Variants in TTC23 observed in about 807,000 individuals in gnomAD.
The protein encoded by TTC23 is tetratricopeptide repeat domain 23.
A neutral mutation model predicts 55.1 loss-of-function variants in TTC23; 58 were observed. That is an observed-to-expected ratio of 1.05 (90% CI 0.85 to 1.31). TTC23 has a LOEUF of 1.31. Ranked by LOEUF, TTC23 falls within the 50% of genes most tolerant of loss-of-function variation. The pLI is 0.00. For missense variants in TTC23, 516 were observed against 534.4 expected (o/e 0.97, Z 0.34); for synonymous variants, 203 against 199.9 (o/e 1.02, Z -0.13).
intron 5 of TTC23, among the ~76,000 whole-genome samples, chr15:99,225,838 G>A (rs1228914273): frequency 1.3e-5 from 2 of 152,144 alleles, no homozygotes; most frequent in African/African-American, 2.4e-5. Flanking sequence ...TGGCAATTCT[G>A]CAGTAAAGAA....
intron 9 of TTC23, among the ~76,000 whole-genome samples, chr15:99,181,694 C>T (rs2074131647): frequency 6.6e-6 from 1 of 152,190 alleles, no homozygotes; most frequent in South Asian, 2.1e-4. Flanking sequence ...TCTCCCATCT[C>T]TGCCCAGCAG....
chr15:99,158,768 C>G (rs1005418310), intron 11 of TTC23: 8 of 152,298 alleles, frequency 5.3e-5, no homozygotes, highest in African/African-American at 1.7e-4. Context: ...TGTGGGAACA[C>G]CTGGGATGGC....
At chr15:99,221,621 C>G in intron 6 of TTC23, 120 bp downstream of exon 6, 1 of 1,286,740 alleles carries the variant, frequency 7.8e-7, no homozygotes, top group Non-Finnish European at 1.1e-6. Flanking sequence ...GAAATGGCTT[C>G]TTGGTATTTA....
intron 9 of TTC23, among the ~76,000 whole-genome samples, chr15:99,190,960 T>G (rs1331207094): frequency 6.6e-6 from 1 of 152,130 alleles, no homozygotes; most frequent in Non-Finnish European, 1.5e-5. Flanking sequence ...TTTTGTATTT[T>G]TTTTTGTAGA....
chr15:99,211,777 A>G (rs1208809176), intron 8 of TTC23, among the ~76,000 whole-genome samples: 1 of 152,038 alleles, frequency 6.6e-6, no homozygotes, highest in Non-Finnish European at 1.5e-5. Context: ...GCTCCCAGGA[A>G]GCACAAGATC....
chr15:99,232,767 T>A (rs950068655), intron 4 of TTC23, among the ~76,000 whole-genome samples: 2 of 152,166 alleles, frequency 1.3e-5, no homozygotes, highest in Non-Finnish European at 2.9e-5. Context: ...TACCATATGA[T>A]CCATGAATCC....
At chr15:99,239,538 C>T (rs889055126) in intron 3 of TTC23, among the ~76,000 whole-genome samples, 7 of 152,056 alleles carry the variant, frequency 4.6e-5, no homozygotes, top group African/African-American at 1.4e-4. Context: ...TAAATAAAAA[C>T]GTTAAAGGTC....
intron 9 of TTC23, among the ~76,000 whole-genome samples, chr15:99,181,979 C>T (rs1303121950): frequency 6.6e-6 from 1 of 152,072 alleles, no homozygotes; most frequent in African/African-American, 2.4e-5. Flanking sequence ...GCATTAGCAA[C>T]AAAATAGATA....
intron 8 of TTC23, among the ~76,000 whole-genome samples, chr15:99,201,464 A>AAGACTACAAAT (rs1190385872): frequency 6.6e-6 from 1 of 152,168 alleles, no homozygotes; most frequent in Non-Finnish European, 1.5e-5. Flanking sequence ...AGAAAGCTAA[A>AAGACTACAAAT]AGACTACAAA....
At position 99,139,316 on chromosome 15, in the gene TTC23, C is replaced by T. The variant is rs192173095; in HGVS notation, c.1226+1G>A. ...AGAAAGTGTGAGGGACGCCAACTCA[C>T]GTGGACAGCATGCCCATGGCCTGCT... On this transcript the variant is annotated splice_donor_variant, in intron 13 of 13. Coordinates refer to ENST00000394132, the MANE Select transcript of TTC23 (RefSeq NM_001288615.3). LOFTEE classifies it high-confidence loss of function. 162 of 1,612,202 alleles carry T rather than the reference C, an allele frequency of 1.0e-4. 1 individual carries two copies. The highest frequency in any genetic ancestry group is 7.5e-4 in the Admixed American group (45 of 60,014).
At chr15:99,221,502 T>A (rs2077922703) in intron 6 of TTC23, among the ~76,000 whole-genome samples, 1 of 152,098 alleles carries the variant, frequency 6.6e-6, no homozygotes, top group Admixed American at 6.5e-5. Flanking sequence ...ACTTTTGAAA[T>A]CATAAAAACA....
intron 1 of TTC23, among the ~76,000 whole-genome samples, chr15:99,247,717 A>AT (rs765016400): frequency 8.7e-6 from 1 of 114,444 alleles, no homozygotes; most frequent in Non-Finnish European, 1.9e-5. Context: ...TTGCCTGCAA[A>AT]TGGGCACAAA....
Position 99,150,612 on chromosome 15 carries a change from T to C in TTC23, c.1143+5536A>G, listed in dbSNP as rs1046180978. ...TATATAGTTCTACTAACAAGAAAAA[T>C]AGATTCATTTTGGGGGGAGGATAAC... On this transcript the variant is annotated intron_variant, in intron 12 of 13. Transcript: ENST00000394132. 3.3e-5 allele frequency among the ~76,000 whole-genome samples: 5 copies of C among 152,182 alleles called. No individual in the cohort carries two copies. In the South Asian group the frequency reaches 1.0e-3, roughly 32 times the overall value.
chr15:99,231,170 AT>A (rs1191925249), intron 4 of TTC23, among the ~76,000 whole-genome samples: 1 of 152,256 alleles, frequency 6.6e-6, no homozygotes, highest in Non-Finnish European at 1.5e-5. Context: ...AGCATATACA[AT>A]TATGTACAGT....
At chr15:99,203,284 A>G (rs1485491569) in intron 8 of TTC23, among the ~76,000 whole-genome samples, 1 of 152,226 alleles carries the variant, frequency 6.6e-6, no homozygotes, top group African/African-American at 2.4e-5. Flanking sequence ...GGTACCATGT[A>G]CACCAAAGCT....
intron 12 of TTC23, among the ~76,000 whole-genome samples, chr15:99,150,764 G>A (rs973601024): frequency 6.6e-6 from 1 of 152,174 alleles, no homozygotes; most frequent in Admixed American, 6.5e-5. Context: ...TTGGCCTGTG[G>A]GCCATAGTTT....
intron 8 of TTC23, among the ~76,000 whole-genome samples, chr15:99,216,614 C>T (rs1375444346): frequency 2.0e-5 from 3 of 152,022 alleles, no homozygotes; most frequent in Non-Finnish European, 2.9e-5. Context: ...GTGGCTAAGT[C>T]GTATATGAAA....
intron 9 of TTC23, among the ~76,000 whole-genome samples, chr15:99,187,144 G>C (rs1360792554): frequency 2.0e-5 from 3 of 151,908 alleles, no homozygotes; most frequent in Non-Finnish European, 1.5e-5. Flanking sequence ...TGAGAATCTA[G>C]AAATAAACCC....
chr15:99,218,622 C>A lies in TTC23; in HGVS notation c.547G>T (p.Glu183Ter). 6.2e-7 allele frequency: 1 copy of A among 1,614,216 alleles called. No homozygotes were observed. The highest frequency in any genetic ancestry group is 8.5e-7 in the Non-Finnish European group (1 of 1,180,042). Residue 183 changes from glutamate (E) to a stop codon, truncating the protein, a stop_gained, in exon 8 of 14, where the codon GAA (glutamate) becomes TAA (stop). Transcript: ENST00000394132. LOFTEE classifies it high-confidence loss of function. ...CGRIIKEEWIEIEARIRLSFA... is the reference protein window; with the variant it reads ...CGRIIKEEWI The stretch of plus-strand genomic sequence containing the variant: ...GATAATCTGATCCGTGCTTCAATTT[C>A]TATCCATTCTTCCTTTATAATTCTT...
Sources: allele counts gnomAD v4.1 joint callset (sites outside exome capture counted in the v4.1 genomes callset), GRCh38; gene constraint gnomAD v4.1.1; transcripts MANE v1.5; gene names NCBI Gene and HGNC (gene_info 2026-07-23, HGNC 2026-07-21).